TNIK: variants seen among roughly 807,000 people sequenced by gnomAD.
TNIK encodes TRAF2 and NCK-interacting protein kinase.
TNIK carries 49 observed loss-of-function variants against 191.3 expected under a neutral mutation model. That is an observed-to-expected ratio of 0.26 (90% CI 0.20 to 0.32). The LOEUF is 0.32. Ranked by LOEUF, TNIK falls within the 10% of genes least tolerant of loss-of-function variation. The pLI is 1.00. For synonymous variants in TNIK, 594 were observed against 600.9 expected, an observed-to-expected ratio of 0.99 and a Z score of 0.17; for missense variants, 1,155 against 1,702.3, an observed-to-expected ratio of 0.68 and a Z score of 5.66.
At chr3:171,127,697 A>G (rs1728679212) in intron 16 of TNIK, among the ~76,000 whole-genome samples, 1 of 152,228 alleles carries the variant, frequency 6.6e-6, no homozygotes, top group Non-Finnish European at 1.5e-5. Flanking sequence ...AGAATTATAT[A>G]CAAATTAAAA....
intron 2 of TNIK, among the ~76,000 whole-genome samples, chr3:171,264,662 G>A (rs1748156560): frequency 6.6e-6 from 1 of 152,132 alleles, no homozygotes; most frequent in Non-Finnish European, 1.5e-5. Flanking sequence ...CTCTCCAGAA[G>A]CTCTCAAATT....
chr3:171,325,878 CTT>C (rs961200189), intron 2 of TNIK, among the ~76,000 whole-genome samples: 2 of 152,210 alleles, frequency 1.3e-5, no homozygotes, highest in African/African-American at 4.8e-5. Flanking sequence ...AAGAGACAAA[CTT>C]TGCTGACATC....
chr3:171,229,314 C>T (rs9290405), intron 2 of TNIK, among the ~76,000 whole-genome samples: 3,971 of 152,272 alleles, frequency 0.026, 68 homozygotes, highest in African/African-American at 0.055. Context: ...TTCATAAAGG[C>T]AAGGACCATG....
At chr3:171,439,773 C>T (rs1197661564) in intron 1 of TNIK, 1 of 152,290 alleles carries the variant, frequency 6.6e-6, no homozygotes, top group African/African-American at 2.4e-5. Flanking sequence ...AAATCCTGGA[C>T]CACAAATTCC....
intron 3 of TNIK, among the ~76,000 whole-genome samples, chr3:171,214,753 C>T (rs745778221): frequency 5.8e-4 from 89 of 152,230 alleles, no homozygotes; most frequent in African/African-American, 2.0e-3. Flanking sequence ...TTATGTTAAC[C>T]TCAGCCATGG....
At chr3:171,271,059 C>A (rs1749029706) in intron 2 of TNIK, among the ~76,000 whole-genome samples, 1 of 152,184 alleles carries the variant, frequency 6.6e-6, no homozygotes, top group South Asian at 2.1e-4. Context: ...GAGTACACTG[C>A]CTGATACATG....
chr3:171,347,084 G>C, intron 2 of TNIK: 1 of 1,486,000 alleles, frequency 6.7e-7, no homozygotes, highest in Non-Finnish European at 8.9e-7. Context: ...ACAGAAAACA[G>C]AAGAGAGAAA....
chr3:171,202,202 C>CAT (rs773911035), intron 4 of TNIK, among the ~76,000 whole-genome samples: 13 of 151,646 alleles, frequency 8.6e-5, no homozygotes, highest in Admixed American at 1.3e-4. Context: ...AAATTTTCTG[C>CAT]ATATATATAT....
Position 171,438,435 on chromosome 3 carries a change from A to T in TNIK, c.57+21572T>A, listed in dbSNP as rs188824649. Among the ~76,000 whole-genome samples, 5 of 152,350 alleles carry T rather than the reference A, an allele frequency of 3.3e-5. No homozygotes were observed. In the East Asian group the frequency reaches 9.7e-4, roughly 29 times the overall value. ...GCAAGTCGCCTGTCCACTCAGTTATAGTGGGGATGCAGGATCCAAACACGA... is the reference window on the plus strand; with the variant it reads ...GCAAGTCGCCTGTCCACTCAGTTATTGTGGGGATGCAGGATCCAAACACGA... On this transcript the variant is annotated intron_variant, in intron 1 of 32. Transcript: ENST00000436636.
intron 15 of TNIK, among the ~76,000 whole-genome samples, chr3:171,136,010 A>G (rs1259384160): frequency 6.6e-6 from 1 of 152,246 alleles, no homozygotes; most frequent in Non-Finnish European, 1.5e-5. Context: ...AAGGTAGACA[A>G]GTTCAAATCA....
intron 1 of TNIK, among the ~76,000 whole-genome samples, chr3:171,392,801 G>C (rs1173264572): frequency 7.2e-6 from 1 of 137,968 alleles, no homozygotes; most frequent in Non-Finnish European, 1.6e-5. Flanking sequence ...AAAAAGAAAA[G>C]AAAGAAAGAA....
In TNIK at chr3:171,063,749, A is replaced by G; in HGVS notation, c.*132T>C. On this transcript the variant is annotated 3_prime_UTR_variant, in exon 33 of 33. Coordinates refer to ENST00000436636, the MANE Select transcript of TNIK (RefSeq NM_015028.4). ...GGACTGTACTGGGAGGGGCGGAGGGAGAGGAAAAAGGGAAAGCGATATGTT... is the reference window on the plus strand; with the variant it reads ...GGACTGTACTGGGAGGGGCGGAGGGGGAGGAAAAAGGGAAAGCGATATGTT... 1.2e-6 allele frequency: 1 copy of G among 812,286 alleles called. No homozygotes were observed. 50.3% of individuals were successfully genotyped at this position (812,286 alleles called of 1,614,324 possible).
chr3:171,382,979 T>C (rs545957582), intron 1 of TNIK, among the ~76,000 whole-genome samples: 3 of 152,194 alleles, frequency 2.0e-5, no homozygotes, highest in Non-Finnish European at 4.4e-5. Context: ...TGTCTCCCCA[T>C]GCCCCAGACA....
intron 12 of TNIK, among the ~76,000 whole-genome samples, chr3:171,155,740 G>A (rs1317443804): frequency 6.6e-6 from 1 of 152,202 alleles, no homozygotes; most frequent in Non-Finnish European, 1.5e-5. Flanking sequence ...CAGATTCTGT[G>A]CCCTTGCGCA....
chr3:171,260,301 C>T (rs1360687217), intron 2 of TNIK, among the ~76,000 whole-genome samples: 1 of 152,102 alleles, frequency 6.6e-6, no homozygotes, highest in African/African-American at 2.4e-5. Flanking sequence ...ATTTCTCTCC[C>T]GCTGCAAGAT....
intron 12 of TNIK, among the ~76,000 whole-genome samples, chr3:171,157,250 C>T (rs1013101374): frequency 6.6e-6 from 1 of 152,200 alleles, no homozygotes; most frequent in African/African-American, 2.4e-5. Context: ...CGGCCTTCAC[C>T]TGCTTTTCTG....
intron 10 of TNIK, among the ~76,000 whole-genome samples, chr3:171,163,383 A>G (rs1734245175): frequency 6.6e-6 from 1 of 152,228 alleles, no homozygotes; most frequent in Non-Finnish European, 1.5e-5. Context: ...TAGTTATGTT[A>G]CCACCAGGAG....
At chr3:171,385,788 A>T (rs1001678809) in intron 1 of TNIK, among the ~76,000 whole-genome samples, 3 of 152,220 alleles carry the variant, frequency 2.0e-5, no homozygotes, top group African/African-American at 7.2e-5. Flanking sequence ...CAGCATATGC[A>T]TTCAGCAAAC....
chr3:171,280,673 C>T (rs1056445240), intron 2 of TNIK, among the ~76,000 whole-genome samples: 3 of 149,262 alleles, frequency 2.0e-5, no homozygotes, highest in African/African-American at 7.4e-5. Context: ...AAACTGTATC[C>T]AAAAGAATGA....
Sources: allele counts gnomAD v4.1 joint callset (sites outside exome capture counted in the v4.1 genomes callset), GRCh38; gene constraint gnomAD v4.1.1; transcripts MANE v1.5; gene names NCBI Gene and HGNC (gene_info 2026-07-23, HGNC 2026-07-21).